Variants in RAB11FIP3 observed in about 807,000 individuals in gnomAD.
RAB11FIP3 encodes the protein rab11 family-interacting protein 3.
RAB11FIP3 carries 17 observed loss-of-function variants against 77.8 expected under a neutral mutation model. The ratio of observed to expected loss-of-function variants is 0.22; its 90% CI spans 0.15 to 0.33. RAB11FIP3 has a LOEUF of 0.33. Ranked by LOEUF, RAB11FIP3 falls within the 10% of genes least tolerant of loss-of-function variation. The pLI is 1.00. For synonymous variants in RAB11FIP3, 437 were observed against 448.2 expected, an observed-to-expected ratio of 0.98 and a Z score of 0.31; for missense variants, 1,005 against 1,011.2, an observed-to-expected ratio of 0.99 and a Z score of 0.08.
At chr16:470,738 AT>A (rs2055793191) in intron 2 of RAB11FIP3, among the ~76,000 whole-genome samples, 1 of 152,210 alleles carries the variant, frequency 6.6e-6, no homozygotes, top group Admixed American at 6.5e-5. Context: ...CCTGTCTCTC[AT>A]GAGAAGATAG....
In RAB11FIP3 at chr16:442,393, A is replaced by G. The variant is rs141196871; in HGVS notation, c.714+15673A>G. 7.2e-5 allele frequency among the ~76,000 whole-genome samples: 11 copies of G among 152,278 alleles called. 1 individual carries two copies. Among genetic ancestry groups the G allele is most frequent in the Non-Finnish European group, 1.2e-4 (8 of 68,018 alleles). On this transcript the variant is annotated intron_variant, in intron 1 of 13. Transcript: ENST00000262305. ...CATGGTAGTTGGAGTTATAAATTCA[A>G]CTGAGGTCTTTTGTTTCATTCTGGA...
At chr16:455,493 T>G (rs1015305736) in intron 1 of RAB11FIP3, among the ~76,000 whole-genome samples, 1 of 151,458 alleles carries the variant, frequency 6.6e-6, no homozygotes, top group Non-Finnish European at 1.5e-5. Context: ...AAAAAAGAAT[T>G]GAGAACCGCG....
intron 2 of RAB11FIP3, among the ~76,000 whole-genome samples, chr16:462,030 C>G (rs1158930830): frequency 3.9e-5 from 6 of 152,328 alleles, no homozygotes; most frequent in African/African-American, 1.4e-4. Context: ...TAAAAATTTA[C>G]CTGCAGTGAA....
At chr16:497,688 C>T (rs960754618) in intron 6 of RAB11FIP3, among the ~76,000 whole-genome samples, 7 of 152,118 alleles carry the variant, frequency 4.6e-5, no homozygotes, top group African/African-American at 1.7e-4. Context: ...TCCCTGGCCC[C>T]GTCTTCCTTC....
In RAB11FIP3 at chr16:505,556, G is replaced by A; in HGVS notation, c.1428G>A (p.Leu476=). Residue 476 remains leucine, a synonymous_variant, in exon 8 of 14, where the codon CTG becomes CTA. Transcript: ENST00000262305. The surrounding 1 kb of genome is among the most constrained non-coding windows in gnomAD (Gnocchi z 4.0). ...TCCTGGAAAGGCGTGTGCTGGAGCTGGAAAAGGACACGGCAGCCACCGGTG... is the reference window on the plus strand; with the variant it reads ...TCCTGGAAAGGCGTGTGCTGGAGCTAGAAAAGGACACGGCAGCCACCGGTG... ...VVFLERRVLE[L]EKDTAATGEQ... is the part of the protein sequence containing the mutation. The A allele has an allele frequency of 1.2e-6, 2 of 1,608,566 alleles. No homozygotes were observed. Among genetic ancestry groups the A allele is most frequent in the Non-Finnish European group, 1.7e-6 (2 of 1,179,672 alleles).
At position 471,338 on chromosome 16, in the gene RAB11FIP3, TGAG is replaced by T; in HGVS notation, c.856_858del (p.Glu286del). 8 of 1,613,932 alleles carry T rather than the reference TGAG, an allele frequency of 5.0e-6. No homozygotes were observed. The highest frequency in any genetic ancestry group is 6.8e-6 in the Non-Finnish European group (8 of 1,179,886). ...ACGGTGGTGTCGCTTCTGCCCAAGA[TGAG>T]GAGCCCCTGGCCTGCCCGGACGAGT... is the stretch of plus-strand genomic sequence containing the variant. On this transcript the variant is annotated inframe_deletion, in exon 3 of 14. Transcript: ENST00000262305. The surrounding 1 kb of genome is among the most constrained non-coding windows in gnomAD (Gnocchi z 4.4).
Position 520,804 on chromosome 16 carries a change from A to C in RAB11FIP3, c.2236A>C (p.Met746Leu), listed in dbSNP as rs749797995. Reference protein sequence around the residue: ...DYIDRIIVAIMETNPSILEVK With the variant: ...DYIDRIIVAILETNPSILEVK Reference sequence around the variant, plus strand: ...CATCGACAGGATCATCGTGGCCATCATGGAGACCAACCCGTCCATCCTGGA... The same window carrying C: ...CATCGACAGGATCATCGTGGCCATCCTGGAGACCAACCCGTCCATCCTGGA... The change falls in exon 14 of 14, where the codon ATG (methionine) becomes CTG (leucine). Residue 746 changes from methionine to leucine, a missense_variant. Met to Leu is a conservative substitution (Grantham distance 15). This residue lies in a region of RAB11FIP3 where 90 missense variants were observed against 129.7 expected (regional missense o/e 0.69). Coordinates refer to ENST00000262305, the MANE Select transcript of RAB11FIP3 (RefSeq NM_014700.4). 3.1e-6 allele frequency: 5 copies of C among 1,613,746 alleles called. No individual in the cohort carries two copies. The East Asian group carries it at 8.9e-5, about 29-fold the overall frequency.
rs2031826461 is a variant in RAB11FIP3 at position 505,541 on chromosome 16, G to C, written c.1413G>C (p.Arg471Ser). Reference protein sequence around the residue: ...DIADKVVFLERRVLELEKDTA... With the variant: ...DIADKVVFLESRVLELEKDTA... ...TTGCCAAGGTTGTCTTCCTGGAAAG[G>C]CGTGTGCTGGAGCTGGAAAAGGACA... The change falls in exon 8 of 14, where the codon AGG becomes AGC. Residue 471 changes from arginine to serine, a missense_variant. Transcript: ENST00000262305. This position sits in a 1 kb window ranked among gnomAD's most constrained non-coding sequence, Gnocchi z 4.0. 1.2e-6 allele frequency: 2 copies of C among 1,608,912 alleles called. No individual in the cohort carries two copies. Among genetic ancestry groups the C allele is most frequent in the Non-Finnish European group, 1.7e-6 (2 of 1,179,584 alleles).
At chr16:476,541 T>C (rs1478637835) in intron 3 of RAB11FIP3, among the ~76,000 whole-genome samples, 1 of 152,160 alleles carries the variant, frequency 6.6e-6, no homozygotes, top group African/African-American at 2.4e-5. Context: ...ATGCTTTCTG[T>C]TGGGGACTTA....
In RAB11FIP3 at chr16:437,678, A is replaced by G. The variant is rs78780116; in HGVS notation, c.714+10958A>G. On this transcript the variant is annotated intron_variant, in intron 1 of 13. Coordinates refer to ENST00000262305, the MANE Select transcript of RAB11FIP3 (RefSeq NM_014700.4). ...TGCCAAGTACACTGAACTGATAACT[A>G]TATGTTATAGACATCAGAACATCAC... Among the ~76,000 whole-genome samples the G allele has an allele frequency of 9.7e-3, 1,470 of 152,218 alleles. 29 individuals are homozygous for G. The highest frequency in any genetic ancestry group is 0.034 in the African/African-American group (1,400 of 41,546).
chr16:519,126 G>A, intron 10 of RAB11FIP3, 102 bp downstream of exon 10: 1 of 1,272,442 alleles, frequency 7.9e-7, no homozygotes, highest in Non-Finnish European at 1.1e-6. Context: ...GCGGGATACT[G>A]TGCTGTGTGT....
At chr16:487,599 G>T (rs1216236854) in intron 4 of RAB11FIP3, among the ~76,000 whole-genome samples, 1 of 152,194 alleles carries the variant, frequency 6.6e-6, no homozygotes, top group Non-Finnish European at 1.5e-5. Context: ...TGGGCACGAG[G>T]AGTCGCCTCA....
At chr16:440,548 C>T (rs1345624849) in intron 1 of RAB11FIP3, among the ~76,000 whole-genome samples, 2 of 152,252 alleles carry the variant, frequency 1.3e-5, no homozygotes, top group Non-Finnish European at 2.9e-5. Context: ...GCCTGGCCAG[C>T]TGGCATCTTA....
chr16:519,794 T>C lies in RAB11FIP3; in HGVS notation c.1763T>C (p.Leu588Pro), dbSNP rs1200542618. ...KLLDEIESLT[L>P]RLSEEQENKR... ...TTGGATGAGATAGAGTCGCTGACGCTGCGGCTCAGTGAAGAGCAGGAGAAC... is the reference window on the plus strand; with the variant it reads ...TTGGATGAGATAGAGTCGCTGACGCCGCGGCTCAGTGAAGAGCAGGAGAAC... The change falls in exon 11 of 14, where the codon CTG (leucine) becomes CCG (proline). Residue 588 changes from leucine to proline, a missense_variant. Transcript: ENST00000262305. 1.9e-6 allele frequency: 3 copies of C among 1,610,554 alleles called. No homozygotes were observed. The highest frequency in any genetic ancestry group is 2.5e-6 in the Non-Finnish European group (3 of 1,178,806).
At chr16:495,199 AC>A (rs2031009664) in intron 5 of RAB11FIP3, among the ~76,000 whole-genome samples, 1 of 152,228 alleles carries the variant, frequency 6.6e-6, no homozygotes, top group African/African-American at 2.4e-5. Context: ...GTAATGAGGC[AC>A]TGGTTGGGAT....
At chr16:475,568 G>A (rs1232020885) in intron 3 of RAB11FIP3, among the ~76,000 whole-genome samples, 3 of 152,190 alleles carry the variant, frequency 2.0e-5, no homozygotes, top group African/African-American at 7.2e-5. Flanking sequence ...ATGTAGGGAG[G>A]CCTTGAACTG....
chr16:471,488 A>G lies in RAB11FIP3; in HGVS notation c.903+99A>G. 1.8e-6 allele frequency: 2 copies of G among 1,086,228 alleles called. No individual in the cohort carries two copies. The highest frequency in any genetic ancestry group is 2.0e-5 in the Admixed American group (1 of 49,690). 67.3% of individuals were successfully genotyped at this position (1,086,228 alleles called of 1,614,324 possible). A position where few individuals can be genotyped will look rare whatever the true frequency, so the allele number is the denominator to read the frequency against. On this transcript the variant is annotated intron_variant, in intron 3 of 13. Transcript: ENST00000262305. This position sits in a 1 kb window ranked among gnomAD's most constrained non-coding sequence, Gnocchi z 4.4. ...CTCCTGCCTCCGGGCTGTCTTCCGT[A>G]GAAGCTGGCGTGAAGGAAGGGCCTC...
chr16:445,793 G>T (rs2055306351), intron 1 of RAB11FIP3, among the ~76,000 whole-genome samples: 1 of 152,120 alleles, frequency 6.6e-6, no homozygotes, highest in Admixed American at 6.6e-5. Flanking sequence ...GGTGCTTTGT[G>T]CCCACTTGGC....
intron 1 of RAB11FIP3, among the ~76,000 whole-genome samples, chr16:437,733 T>C (rs978072773): frequency 6.6e-6 from 1 of 152,166 alleles, no homozygotes; most frequent in African/African-American, 2.4e-5. Context: ...AAGACTGTTA[T>C]GTCATTTAAT....
Sources: allele counts gnomAD v4.1 joint callset (sites outside exome capture counted in the v4.1 genomes callset), GRCh38; gene constraint gnomAD v4.1.1; regional missense constraint gnomAD v4.1.1; non-coding constraint Gnocchi (gnomAD v3.1); transcripts MANE v1.5; gene names NCBI Gene and HGNC (gene_info 2026-07-23, HGNC 2026-07-21).